Variants in CAMTA1 observed in about 807,000 individuals in gnomAD.
CAMTA1 encodes the protein calmodulin binding transcription activator 1.
Under a neutral mutation model 170.9 loss-of-function variants are expected in CAMTA1, and 27 were observed. The observed-to-expected ratio is 0.16, with a 90% CI of 0.12 to 0.22. The LOEUF (loss-of-function observed/expected upper bound fraction) is 0.22, where lower values mean the gene tolerates loss of function less well. CAMTA1 is among the 10% of genes least tolerant of loss of function. The pLI is 1.00. For missense variants in CAMTA1, 1,619 were observed against 2,217.2 expected (o/e 0.73, Z 5.42); for synonymous variants, 833 against 891.5 (o/e 0.93, Z 1.17).
chr1:7,184,886 C>T (rs1652931287), intron 4 of CAMTA1, among the ~76,000 whole-genome samples: 1 of 152,070 alleles, frequency 6.6e-6, no homozygotes, highest in Non-Finnish European at 1.5e-5. Flanking sequence ...AACTTTTGGG[C>T]TCTGTATTTT....
At chr1:7,670,781 G>A in intron 9 of CAMTA1, 130 bp from the exon 10 acceptor site, 2 of 1,002,114 alleles carry the variant, frequency 2.0e-6, no homozygotes, top group South Asian at 3.1e-5. Flanking sequence ...CTGGAGTGAG[G>A]GCCTGGGAAT....
At chr1:7,316,684 C>T (rs188300885) in intron 5 of CAMTA1, among the ~76,000 whole-genome samples, 8 of 152,260 alleles carry the variant, frequency 5.3e-5, no homozygotes, top group Non-Finnish European at 8.8e-5. Context: ...AAAGGCCTGG[C>T]CTTTTGTTTT....
In CAMTA1 at chr1:7,248,128, G is replaced by A. The variant is rs1020760997; in HGVS notation, c.303-1363G>A. Among the ~76,000 whole-genome samples, 1 of 152,176 alleles carries A rather than the reference G, an allele frequency of 6.6e-6. No homozygotes were observed. Among genetic ancestry groups the A allele is most frequent in the African/African-American group, 2.4e-5 (1 of 41,444 alleles). On this transcript the variant is annotated intron_variant, in intron 4 of 22. Transcript: ENST00000303635. The surrounding 1 kb of genome is among the most constrained non-coding windows in gnomAD (Gnocchi z 4.0). ...GGCTGGGTGGAAACTACAATTAGCTGCAGTCACCCTGGTGGGACTGTTTTT... is the reference window on the plus strand; with the variant it reads ...GGCTGGGTGGAAACTACAATTAGCTACAGTCACCCTGGTGGGACTGTTTTT...
chr1:7,066,877 A>G (rs187432552), intron 3 of CAMTA1, among the ~76,000 whole-genome samples: 69 of 152,348 alleles, frequency 4.5e-4, no homozygotes, highest in Admixed American at 2.9e-3. Flanking sequence ...CTCAGTTTAG[A>G]GGAACATGGC....
intron 6 of CAMTA1, among the ~76,000 whole-genome samples, chr1:7,587,378 T>C (rs1045729068): frequency 1.3e-5 from 2 of 151,934 alleles, no homozygotes; most frequent in African/African-American, 4.8e-5. Context: ...CACAGATCCA[T>C]CTAAACCCAA....
At chr1:7,496,685 C>T (rs929455978) in intron 6 of CAMTA1, among the ~76,000 whole-genome samples, 2 of 152,162 alleles carry the variant, frequency 1.3e-5, no homozygotes, top group African/African-American at 2.4e-5. Flanking sequence ...GAGAGGACAG[C>T]ATCCCCTACC....
At chr1:7,442,391 A>G (rs992420815) in intron 5 of CAMTA1, among the ~76,000 whole-genome samples, 1 of 152,150 alleles carries the variant, frequency 6.6e-6, no homozygotes, top group Non-Finnish European at 1.5e-5. Context: ...CCTAAAGACA[A>G]AATTATTCGG....
intron 4 of CAMTA1, among the ~76,000 whole-genome samples, chr1:7,247,570 T>C (rs905708604): frequency 6.6e-6 from 1 of 152,188 alleles, no homozygotes; most frequent in Admixed American, 6.5e-5. Flanking sequence ...AGACCCGGCA[T>C]TGCCACACTC....
intron 6 of CAMTA1, among the ~76,000 whole-genome samples, chr1:7,558,719 AC>A (rs1246199753): frequency 6.6e-6 from 1 of 151,918 alleles, no homozygotes; most frequent in Non-Finnish European, 1.5e-5. Flanking sequence ...GGCTTCCGCC[AC>A]CCCCTGTGTC....
At chr1:7,483,054 C>G (rs1409107844) in intron 6 of CAMTA1, among the ~76,000 whole-genome samples, 1 of 152,214 alleles carries the variant, frequency 6.6e-6, no homozygotes, top group Non-Finnish European at 1.5e-5. Context: ...GAGCCAACCC[C>G]TCTGCATTCA....
At position 7,065,117 on chromosome 1, in the gene CAMTA1, G is replaced by T. The variant is rs1025088446; in HGVS notation, c.235-26187G>T. 6.6e-6 allele frequency among the ~76,000 whole-genome samples: 1 copy of T among 152,178 alleles called. No individual in the cohort carries two copies. Among genetic ancestry groups the T allele is most frequent in the Admixed American group, 6.5e-5 (1 of 15,274 alleles). ...GCTCTTTATACAGCCAAATGGGGAG[G>T]CCACATAGGCTAGCAGATCCTGGGC... is the stretch of plus-strand genomic sequence containing the variant. On this transcript the variant is annotated intron_variant, in intron 3 of 22. Transcript: ENST00000303635. The surrounding 1 kb of genome is among the most constrained non-coding windows in gnomAD (Gnocchi z 5.2).
At chr1:7,349,844 A>G (rs1311623888) in intron 5 of CAMTA1, among the ~76,000 whole-genome samples, 1 of 152,216 alleles carries the variant, frequency 6.6e-6, no homozygotes, top group Non-Finnish European at 1.5e-5. Flanking sequence ...GTCCTGAAGC[A>G]AGATGAATCT....
At chr1:6,944,381 G>A (rs1687223831) in intron 3 of CAMTA1, among the ~76,000 whole-genome samples, 1 of 152,064 alleles carries the variant, frequency 6.6e-6, no homozygotes, top group Non-Finnish European at 1.5e-5. Context: ...TGTTCAACCC[G>A]GGCCTTCCTG....
At chr1:7,619,514 C>T (rs866970137) in intron 6 of CAMTA1, among the ~76,000 whole-genome samples, 3 of 152,212 alleles carry the variant, frequency 2.0e-5, no homozygotes, top group African/African-American at 7.2e-5. Context: ...CTTCTCTTAC[C>T]TCATGAGCCA....
At chr1:6,844,547 A>G (rs1480429767) in intron 3 of CAMTA1, among the ~76,000 whole-genome samples, 2 of 151,120 alleles carry the variant, frequency 1.3e-5, no homozygotes, top group Non-Finnish European at 2.9e-5. Context: ...TTAGCCCAGC[A>G]TAGAGGTGCG....
chr1:7,377,118 C>T (rs753982320), intron 5 of CAMTA1, among the ~76,000 whole-genome samples: 12 of 152,294 alleles, frequency 7.9e-5, no homozygotes, highest in African/African-American at 1.2e-4. Flanking sequence ...AGGGAGCACT[C>T]GCCTGACCGA....
intron 4 of CAMTA1, among the ~76,000 whole-genome samples, chr1:7,206,551 T>G (rs1657767879): frequency 6.6e-6 from 1 of 152,236 alleles, no homozygotes; most frequent in Admixed American, 6.5e-5. Flanking sequence ...TTTCATGAGA[T>G]TCATCTTTGT....
At chr1:7,257,028 C>T (rs1016542115) in intron 5 of CAMTA1, among the ~76,000 whole-genome samples, 4 of 148,676 alleles carry the variant, frequency 2.7e-5, no homozygotes, top group Non-Finnish European at 4.5e-5. Context: ...TTCACTCTCA[C>T]GATCTGATCA....
intron 11 of CAMTA1, among the ~76,000 whole-genome samples, chr1:7,702,421 G>A (rs899570216): frequency 3.9e-5 from 6 of 152,136 alleles, no homozygotes; most frequent in African/African-American, 1.2e-4. Flanking sequence ...TCTTTAACTG[G>A]GCTTCAGGTG....
Sources: allele counts gnomAD v4.1 joint callset (sites outside exome capture counted in the v4.1 genomes callset), GRCh38; gene constraint gnomAD v4.1.1; non-coding constraint Gnocchi (gnomAD v3.1); transcripts MANE v1.5; gene names NCBI Gene and HGNC (gene_info 2026-07-23, HGNC 2026-07-21).